SLC7A9: variants seen among roughly 807,000 people sequenced by gnomAD.
SLC7A9 encodes the protein solute carrier family 7 member 9, also known as B(0,+)-type amino acid transporter 1.
Under a neutral mutation model 54.1 loss-of-function variants are expected in SLC7A9, and 38 were observed. The observed-to-expected ratio is 0.70, with a 90% CI of 0.54 to 0.92. The LOEUF is 0.92. Among genes scored for constraint, SLC7A9 ranks in the 40% least tolerant of loss-of-function variants. The pLI, the probability that SLC7A9 is intolerant of heterozygous loss-of-function variation, is 0.00. For synonymous variants in SLC7A9, 264 were observed against 258.9 expected (o/e 1.02, Z -0.19); for missense variants, 537 against 636.1 (o/e 0.84, Z 1.68).
In SLC7A9 at chr19:32,867,075, A is replaced by C. The variant is rs568571880; in HGVS notation, c.87+1373T>G. On this transcript the variant is annotated intron_variant, in intron 2 of 12. Transcript: ENST00000023064. ...AGGGCCAGCCCCAGCTGCTCACTGC[A>C]GCCCAACTCAGAGCAGCTGTCCCTG... 2.6e-5 allele frequency among the ~76,000 whole-genome samples: 4 copies of C among 152,342 alleles called. No individual in the cohort carries two copies. The South Asian group carries it at 8.3e-4, about 32-fold the overall frequency.
chr19:32,836,290 G>A (rs12985674), intron 11 of SLC7A9, among the ~76,000 whole-genome samples: 70,579 of 151,850 alleles, frequency 0.46, 17,555 homozygotes, highest in East Asian at 0.72. Flanking sequence ...CTCAAGTGAT[G>A]CAACCGCCTT....
At position 32,868,574 on chromosome 19, in the gene SLC7A9, C is replaced by T; in HGVS notation, c.-40G>A. ...GTTCCAGGAGACTGCAAGGAGGGCGCACAGCTAAATCTTGGTTCAGCAGCA... is the reference window on the plus strand; with the variant it reads ...GTTCCAGGAGACTGCAAGGAGGGCGTACAGCTAAATCTTGGTTCAGCAGCA... On this transcript the variant is annotated 5_prime_UTR_variant, in exon 2 of 13. Coordinates refer to ENST00000023064, the MANE Select transcript of SLC7A9 (RefSeq NM_014270.5). 6.5e-7 allele frequency: 1 copy of T among 1,548,954 alleles called. No individual in the cohort carries two copies. The highest frequency in any genetic ancestry group is 1.4e-5 in the African/African-American group (1 of 73,516).
At chr19:32,841,332 C>A (rs1968121163) in intron 11 of SLC7A9, among the ~76,000 whole-genome samples, 1 of 152,060 alleles carries the variant, frequency 6.6e-6, no homozygotes, top group Non-Finnish European at 1.5e-5. Flanking sequence ...ACCAGCCATG[C>A]AGGGAGTGAG....
chr19:32,847,182 C>T (rs1457611179), intron 9 of SLC7A9, among the ~76,000 whole-genome samples: 2 of 152,144 alleles, frequency 1.3e-5, no homozygotes, highest in African/African-American at 2.4e-5. Context: ...CAAAGCTGGA[C>T]AGAGAATGAC....
chr19:32,862,668 ATTT>A (rs1250960402), intron 4 of SLC7A9, 82 bp from the exon 5 acceptor site: 342 of 998,626 alleles, frequency 3.4e-4, no homozygotes, highest in East Asian at 6.5e-4. Flanking sequence ...TATATTTTTT[ATTT>A]TTTTTTTTTT....
chr19:32,859,780 A>C (rs1304098441), intron 8 of SLC7A9, 61 bp downstream of exon 8: 3 of 1,393,302 alleles, frequency 2.2e-6, no homozygotes, highest in African/African-American at 2.8e-5. Context: ...CAGTGCTGAC[A>C]CCTGCCTTAC....
intron 11 of SLC7A9, among the ~76,000 whole-genome samples, chr19:32,839,748 C>G (rs1968077442): frequency 6.6e-6 from 1 of 152,002 alleles, no homozygotes; most frequent in Non-Finnish European, 1.5e-5. Context: ...AAGTTTGAGG[C>G]CAGAATTATT....
intron 5 of SLC7A9, 113 bp downstream of exon 5, chr19:32,862,348 C>A: frequency 6.6e-7 from 1 of 1,512,690 alleles, no homozygotes; most frequent in Non-Finnish European, 9.2e-7. Flanking sequence ...TCCCTCCCAC[C>A]GAGTTCCTGC....
At chr19:32,838,092 A>G (rs1033743472) in intron 11 of SLC7A9, among the ~76,000 whole-genome samples, 2 of 152,166 alleles carry the variant, frequency 1.3e-5, no homozygotes, top group Non-Finnish European at 2.9e-5. Flanking sequence ...ACCTCACAGA[A>G]GCCAAGCGGC....
At chr19:32,848,001 C>G (rs1051939462) in intron 9 of SLC7A9, among the ~76,000 whole-genome samples, 5 of 150,910 alleles carry the variant, frequency 3.3e-5, no homozygotes, top group African/African-American at 1.2e-4. Flanking sequence ...GATTTTGTCA[C>G]CACCAGGCCT....
At chr19:32,848,102 T>G (rs1467722111) in intron 9 of SLC7A9, among the ~76,000 whole-genome samples, 2 of 150,468 alleles carry the variant, frequency 1.3e-5, no homozygotes, top group Non-Finnish European at 3.0e-5. Flanking sequence ...GTAAAGACCA[T>G]CAAGGCTAGG....
At chr19:32,834,669 A>T (rs556761719) in intron 11 of SLC7A9, among the ~76,000 whole-genome samples, 1 of 152,300 alleles carries the variant, frequency 6.6e-6, no homozygotes, top group African/African-American at 2.4e-5. Flanking sequence ...AGTACTCATT[A>T]TCCTTTTTCA....
chr19:32,845,165 A>C (rs1968249207), intron 9 of SLC7A9, among the ~76,000 whole-genome samples: 2 of 114,436 alleles, frequency 1.7e-5, no homozygotes, highest in Admixed American at 8.2e-5. Context: ...TTCTATCTCA[A>C]AAAAATAAAA....
intron 2 of SLC7A9, among the ~76,000 whole-genome samples, chr19:32,866,019 G>GA (rs1431629727): frequency 2.0e-5 from 3 of 151,164 alleles, no homozygotes; most frequent in Admixed American, 1.3e-4. Context: ...AATCAAGGAG[G>GA]AAAAAAAAGT....
intron 11 of SLC7A9, 143 bp from the exon 12 acceptor site, chr19:32,833,466 AT>A (rs1307672432): frequency 2.3e-6 from 2 of 885,790 alleles, no homozygotes; most frequent in African/African-American, 3.4e-5. Context: ...TGCCAATCTT[AT>A]TTCATCTATA....
In SLC7A9 at chr19:32,837,492, C is replaced by CA. The variant is rs57648590; in HGVS notation, c.1225-4170dup. 7.5e-3 allele frequency among the ~76,000 whole-genome samples: 407 copies of CA among 54,428 alleles called. 16 individuals are homozygous for CA. Among genetic ancestry groups the CA allele is most frequent in the African/African-American group, 0.015 (254 of 17,130 alleles). 35.7% of individuals were successfully genotyped at this position (54,428 alleles called of 152,430 possible). A position where few individuals can be genotyped will look rare whatever the true frequency, so the allele number is the denominator to read the frequency against. On this transcript the variant is annotated intron_variant, in intron 11 of 12. Coordinates refer to ENST00000023064, the MANE Select transcript of SLC7A9 (RefSeq NM_014270.5). Reference sequence around the variant, plus strand: ...CTGGGTGACAGAGGAGATTCCATCTCAAAAAAAAAAAAAAAAAAAAAAAAA... The same window carrying CA: ...CTGGGTGACAGAGGAGATTCCATCTCAAAAAAAAAAAAAAAAAAAAAAAAAA...
At chr19:32,858,366 G>A in intron 9 of SLC7A9, 74 bp downstream of exon 9, 2 of 1,034,984 alleles carry the variant, frequency 1.9e-6, no homozygotes, top group Non-Finnish European at 3.0e-6. Context: ...GATTTTAGCT[G>A]TGTGTCTTCC....
intron 1 of SLC7A9, 42 bp downstream of exon 1, chr19:32,869,644 G>C (rs1041940689): frequency 6.6e-6 from 1 of 152,254 alleles, no homozygotes; most frequent in Non-Finnish European, 1.5e-5. Flanking sequence ...GCCCCGGCCA[G>C]GAGAGCCATG....
chr19:32,833,411 C>A, intron 11 of SLC7A9, 88 bp from the exon 12 acceptor site: 1 of 1,081,420 alleles, frequency 9.2e-7, no homozygotes, highest in Non-Finnish European at 1.4e-6. Flanking sequence ...AGAGTATGAA[C>A]TCCATGTACC....
Sources: gnomAD v4.1 joint callset for allele counts (sites outside exome capture counted in the v4.1 genomes callset) on GRCh38, gnomAD v4.1.1 for gene constraint, MANE v1.5 for transcripts, NCBI Gene and HGNC (gene_info 2026-07-23, HGNC 2026-07-21) for gene names.